The following KCNN2 variants were observed in gnomAD, a reference collection of about 807,000 sequenced individuals.
The protein encoded by KCNN2 is small conductance calcium-activated potassium channel protein 2.
In KCNN2, 24 loss-of-function variants were observed where a neutral mutation model predicts 55.5. That is an observed-to-expected ratio of 0.43 (90% CI 0.31 to 0.61). The LOEUF (loss-of-function observed/expected upper bound fraction) is 0.61, where lower values mean the gene tolerates loss of function less well. Ranked by LOEUF, KCNN2 falls within the 20% of genes least tolerant of loss-of-function variation. The pLI, the probability that KCNN2 is intolerant of heterozygous loss-of-function variation, is 0.08. For synonymous variants in KCNN2, 431 were observed against 336.1 expected, an observed-to-expected ratio of 1.28 and a Z score of -3.09; for missense variants, 754 against 853.6, an observed-to-expected ratio of 0.88 and a Z score of 1.45.
chr5:114,307,417 C>T (rs771912585), intron 2 of KCNN2, among the ~76,000 whole-genome samples: 10 of 152,160 alleles, frequency 6.6e-5, no homozygotes, highest in Admixed American at 3.3e-4. Context: ...CTGATTGCTA[C>T]GCCGGTCTGG....
rs921041889 is a variant in KCNN2, at chr5:114,362,293, C to G, written c.154C>G (p.His52Asp). 2 of 186,932 alleles carry G rather than the reference C, an allele frequency of 1.1e-5. No homozygotes were observed. Among genetic ancestry groups the G allele is most frequent in the African/African-American group, 4.8e-5 (2 of 42,080 alleles). 11.6% of individuals were successfully genotyped at this position (186,932 alleles called of 1,614,324 possible). ...APLPHPHHHPHLAHQQPASGG... is the reference protein window; with the variant it reads ...APLPHPHHHPDLAHQQPASGG... ...CCTCCCGCACCCTCACCACCACCCG[C>G]ACCTCGCGCACCAGCAGCCGGCCAG... Residue 52 changes from histidine (H) to aspartate (D), a missense_variant, in exon 1 of 8, where the codon CAC (histidine) becomes GAC (aspartate). Transcript: ENST00000673685.
At chr5:114,400,065 A>G (rs1466380264) in intron 2 of KCNN2, among the ~76,000 whole-genome samples, 2 of 149,288 alleles carry the variant, frequency 1.3e-5, no homozygotes, top group African/African-American at 4.9e-5. Context: ...CAAATAGCCA[A>G]CTCCTTGATT....
rs1002480853 is a variant in KCNN2 at position 114,404,777 on chromosome 5, A to G, written c.1558A>G (p.Ile520Val). ...TRFVMKTLMT[I>V]CPGTVLLVFS... is the part of the protein sequence containing the mutation. ...TTTTGTTATGAAGACTTTAATGACT[A>G]TATGCCCAGGAACTGTACTCTTGGT... is the stretch of plus-strand genomic sequence containing the variant. Residue 520 changes from isoleucine (I) to valine (V), a missense_variant, in exon 3 of 8, where the codon ATA (isoleucine) becomes GTA (valine). Transcript: ENST00000673685. The G allele has an allele frequency of 1.2e-6, 2 of 1,613,848 alleles. No individual in the cohort carries two copies. The highest frequency in any genetic ancestry group is 1.7e-5 in the Admixed American group (1 of 60,030).
intron 1 of KCNN2, among the ~76,000 whole-genome samples, chr5:114,088,833 C>A (rs913355509): frequency 7.2e-5 from 11 of 152,106 alleles, no homozygotes; most frequent in Non-Finnish European, 1.5e-4. Flanking sequence ...GTTGGTCAGA[C>A]TGGTCTCGAA....
At chr5:114,274,307 G>A (rs1755435516) in intron 2 of KCNN2, among the ~76,000 whole-genome samples, 1 of 150,782 alleles carries the variant, frequency 6.6e-6, no homozygotes, top group African/African-American at 2.4e-5. Flanking sequence ...CCAGGATTGT[G>A]TTGGCTATGT....
intron 2 of KCNN2, among the ~76,000 whole-genome samples, chr5:114,374,226 AC>A (rs1362919718): frequency 4.6e-5 from 7 of 152,076 alleles, no homozygotes; most frequent in Non-Finnish European, 8.8e-5. Flanking sequence ...ACTAATTAGG[AC>A]CCTGGTGACT....
intron 1 of KCNN2, among the ~76,000 whole-genome samples, chr5:114,071,359 C>A (rs557338994): frequency 6.6e-6 from 1 of 152,266 alleles, no homozygotes; most frequent in Admixed American, 6.5e-5. Flanking sequence ...AATCTGAACT[C>A]CCACTCTTGG....
chr5:114,285,145 G>T (rs889638285), intron 2 of KCNN2, among the ~76,000 whole-genome samples: 1 of 151,566 alleles, frequency 6.6e-6, no homozygotes, highest in Non-Finnish European at 1.5e-5. Context: ...TTAGCCGGGT[G>T]TGGTGGCGGG....
chr5:114,134,587 T>G (rs1752136358), intron 1 of KCNN2, among the ~76,000 whole-genome samples: 1 of 151,598 alleles, frequency 6.6e-6, no homozygotes, highest in Non-Finnish European at 1.5e-5. Context: ...GCCATTCTCC[T>G]GCCTAAGCCT....
intron 6 of KCNN2, among the ~76,000 whole-genome samples, chr5:114,488,151 C>G (rs1369066714): frequency 1.3e-5 from 2 of 152,154 alleles, no homozygotes; most frequent in Admixed American, 1.3e-4. Flanking sequence ...CAAAACCTGT[C>G]CATTGAACTG....
intron 2 of KCNN2, among the ~76,000 whole-genome samples, chr5:114,394,017 A>G (rs1243193926): frequency 6.6e-6 from 1 of 152,188 alleles, no homozygotes; most frequent in Non-Finnish European, 1.5e-5. Flanking sequence ...TATTGATATG[A>G]CAGATTTTAT....
At chr5:114,428,321 A>T (rs1313108392) in intron 3 of KCNN2, among the ~76,000 whole-genome samples, 1 of 152,168 alleles carries the variant, frequency 6.6e-6, no homozygotes, top group African/African-American at 2.4e-5. Flanking sequence ...AAAAGTATTA[A>T]ATGAATCTGC....
intron 1 of KCNN2, among the ~76,000 whole-genome samples, chr5:114,170,755 A>G (rs1191603145): frequency 6.6e-6 from 1 of 151,874 alleles, no homozygotes; most frequent in African/African-American, 2.4e-5. Context: ...CTAGTCATTT[A>G]CCTATGTTTG....
chr5:114,355,236 T>C (rs1257424541), intron 2 of KCNN2, among the ~76,000 whole-genome samples: 1 of 152,016 alleles, frequency 6.6e-6, no homozygotes, highest in Non-Finnish European at 1.5e-5. Flanking sequence ...TAGATAAGAA[T>C]AAGGCAAACA....
intron 2 of KCNN2, among the ~76,000 whole-genome samples, chr5:114,390,666 C>T (rs914666899): frequency 1.3e-5 from 2 of 152,054 alleles, no homozygotes; most frequent in African/African-American, 4.8e-5. Context: ...CGAAATCAAC[C>T]CTAGATCTGC....
chr5:114,229,259 A>G (rs1754306501), intron 2 of KCNN2, among the ~76,000 whole-genome samples: 1 of 151,342 alleles, frequency 6.6e-6, no homozygotes, highest in Non-Finnish European at 1.5e-5. Context: ...TTACTAGCTT[A>G]TTCTCTTTTA....
intron 2 of KCNN2, among the ~76,000 whole-genome samples, chr5:114,380,350 A>G (rs1244560982): frequency 6.6e-6 from 1 of 152,212 alleles, no homozygotes; most frequent in Admixed American, 6.5e-5. Context: ...TGGTGCTGTC[A>G]CAACAATTCT....
chr5:114,086,912 G>C (rs1036985850), intron 1 of KCNN2, among the ~76,000 whole-genome samples: 2 of 152,094 alleles, frequency 1.3e-5, no homozygotes, highest in Non-Finnish European at 2.9e-5. Flanking sequence ...GTGTATAAGT[G>C]TTCCCTTTTC....
At chr5:114,117,334 A>T (rs1430174617) in intron 1 of KCNN2, among the ~76,000 whole-genome samples, 1 of 152,072 alleles carries the variant, frequency 6.6e-6, no homozygotes, top group Admixed American at 6.6e-5. Context: ...TCTCCTGCCT[A>T]ACCCACTCTG....
Sources: gnomAD v4.1 joint callset for allele counts (sites outside exome capture counted in the v4.1 genomes callset) on GRCh38, gnomAD v4.1.1 for gene constraint, MANE v1.5 for transcripts, NCBI Gene and HGNC (gene_info 2026-07-23, HGNC 2026-07-21) for gene names.